Variants in STOX2 observed in about 807,000 individuals in gnomAD.
STOX2 encodes storkhead-box protein 2.
Under a neutral mutation model 60.9 loss-of-function variants are expected in STOX2, and 28 were observed. The observed-to-expected ratio is 0.46, with a 90% confidence interval of 0.34 to 0.63. STOX2 has a LOEUF of 0.63. Ranked by LOEUF, STOX2 falls within the 30% of genes least tolerant of loss-of-function variation. STOX2 has a pLI of 0.01. For missense variants in STOX2, 1,024 were observed against 1,187.7 expected, an observed-to-expected ratio of 0.86 and a Z score of 2.03; for synonymous variants, 472 against 463.9, an observed-to-expected ratio of 1.02 and a Z score of -0.22.
At chr4:183,859,107 G>C (rs1236620232) in intron 1 of STOX2, among the ~76,000 whole-genome samples, 1 of 152,178 alleles carries the variant, frequency 6.6e-6, no homozygotes, top group Non-Finnish European at 1.5e-5. Context: ...TTTGGACCAA[G>C]CTTGGTGGCT....
At chr4:183,945,321 C>A (rs1178686156) in intron 1 of STOX2, among the ~76,000 whole-genome samples, 1 of 152,156 alleles carries the variant, frequency 6.6e-6, no homozygotes, top group African/African-American at 2.4e-5. Context: ...CTGATTTTAA[C>A]ATGAGGGTAC....
chr4:183,898,723 G>C (rs1316741054), intron 1 of STOX2, among the ~76,000 whole-genome samples: 1 of 152,170 alleles, frequency 6.6e-6, no homozygotes, highest in African/African-American at 2.4e-5. Flanking sequence ...AAAATGACAG[G>C]GAGGGAAGAG....
chr4:183,825,396 T>TTGA lies in STOX2; in HGVS notation c.364+27341_364+27342insTGA, dbSNP rs59754852. On this transcript the variant is annotated intron_variant, in intron 1 of 2. Coordinates refer to the STOX2 transcript ENST00000513034. This position sits in a 1 kb window ranked among gnomAD's most constrained non-coding sequence, Gnocchi z 4.1. ...AGCCTTCACACAGCTGGGCCATCCC[T>TTGA]CGTGTGGCGCGTGCTGCAGATGGCA... 0.064 allele frequency among the ~76,000 whole-genome samples: 9,751 copies of TTGA among 152,204 alleles called. 1,003 individuals carry two copies. Among genetic ancestry groups the TTGA allele is most frequent in the African/African-American group, 0.22 (9,129 of 41,512 alleles).
chr4:183,970,957 A>G (rs927655323), intron 1 of STOX2, among the ~76,000 whole-genome samples: 3 of 152,342 alleles, frequency 2.0e-5, no homozygotes, highest in African/African-American at 7.2e-5. Context: ...TGATATGAAC[A>G]TTGCCTTCTT....
chr4:183,945,638 G>T (rs1742866329), intron 1 of STOX2, among the ~76,000 whole-genome samples: 1 of 152,138 alleles, frequency 6.6e-6, no homozygotes, highest in Non-Finnish European at 1.5e-5. Context: ...AACAAAGCAG[G>T]TTCCATTTGT....
chr4:183,861,296 G>A (rs1740435766), intron 1 of STOX2, among the ~76,000 whole-genome samples: 1 of 68,102 alleles, frequency 1.5e-5, no homozygotes, highest in Admixed American at 2.1e-4. Flanking sequence ...GGAGTGGACT[G>A]TCCCGTTACC....
chr4:183,965,159 C>T (rs1467604672), intron 1 of STOX2, among the ~76,000 whole-genome samples: 1 of 152,184 alleles, frequency 6.6e-6, no homozygotes, highest in African/African-American at 2.4e-5. Context: ...ATGGCACCAG[C>T]ATGTCCGTTT....
In STOX2 at chr4:183,830,496, T is replaced by A; in HGVS notation, c.364+32441T>A. Among the ~76,000 whole-genome samples the A allele has an allele frequency of 1.3e-5, 2 of 152,118 alleles. 1 individual carries two copies. Among genetic ancestry groups the A allele is most frequent in the East Asian group, 3.9e-4 (2 of 5,186 alleles). On this transcript the variant is annotated intron_variant, in intron 1 of 2. Coordinates refer to the STOX2 transcript ENST00000513034. ...TCCTCTGTGCCAGGGCTGGGAGAGATGGTCATGAGGGTTCTTATCCTTTGA... is the reference window on the plus strand; with the variant it reads ...TCCTCTGTGCCAGGGCTGGGAGAGAAGGTCATGAGGGTTCTTATCCTTTGA...
chr4:183,978,042 G>T (rs540286620), intron 1 of STOX2, among the ~76,000 whole-genome samples: 13 of 152,310 alleles, frequency 8.5e-5, no homozygotes, highest in African/African-American at 3.1e-4. Context: ...CTCCCATTGT[G>T]TAGGATGTCT....
chr4:184,011,317 C>T lies in STOX2; in HGVS notation c.2479C>T (p.Pro827Ser). The T allele has an allele frequency of 6.2e-7, 1 of 1,613,968 alleles. No homozygotes were observed. Among genetic ancestry groups the T allele is most frequent in the Non-Finnish European group, 8.5e-7 (1 of 1,179,892 alleles). ...TGAAAAGAACCTCACCCTTCTTGCTCCAAAAGAAACCGACAGCAGCAGCAA... is the reference window on the plus strand; with the variant it reads ...TGAAAAGAACCTCACCCTTCTTGCTTCAAAAGAAACCGACAGCAGCAGCAA... ...KFEKNLTLLA[P>S]KETDSSSNQR... The change falls in exon 3 of 4, where the codon CCA (proline) becomes TCA (serine). Residue 827 changes from proline (P) to serine (S), a missense_variant. By Grantham distance (74) the Pro-to-Ser change is moderately conservative (BLOSUM62 -1). Transcript: ENST00000308497. This position sits in a 1 kb window ranked among gnomAD's most constrained non-coding sequence, Gnocchi z 4.4.
intron 1 of STOX2, among the ~76,000 whole-genome samples, chr4:183,945,744 C>T (rs1252672623): frequency 6.6e-6 from 1 of 152,214 alleles, no homozygotes; most frequent in African/African-American, 2.4e-5. Context: ...CGAAAGAAGA[C>T]TGATTCAGGT....
intron 1 of STOX2, among the ~76,000 whole-genome samples, chr4:183,852,906 A>T (rs1740193978): frequency 6.6e-6 from 1 of 152,180 alleles, no homozygotes; most frequent in African/African-American, 2.4e-5. Context: ...GCTTTTTCAA[A>T]CATAGATGGC....
intron 1 of STOX2, among the ~76,000 whole-genome samples, chr4:183,864,597 TTGGCCAGGCTGG>T (rs1740523297): frequency 6.6e-6 from 1 of 152,126 alleles, no homozygotes; most frequent in South Asian, 2.1e-4. Context: ...TTTCTCCATG[TTGGCCAGGCTGG>T]TCTCGAACTC....
intron 1 of STOX2, among the ~76,000 whole-genome samples, chr4:183,927,565 C>T (rs771543181): frequency 1.2e-4 from 18 of 151,952 alleles, no homozygotes; most frequent in Non-Finnish European, 2.2e-4. Flanking sequence ...CTCCCCTGAC[C>T]TATAGGAGCT....
chr4:183,918,031 T>C (rs981426551), intron 1 of STOX2, among the ~76,000 whole-genome samples: 1 of 152,250 alleles, frequency 6.6e-6, no homozygotes. Flanking sequence ...TCTTTGCTAC[T>C]GTTATTTCTT....
intron 1 of STOX2, among the ~76,000 whole-genome samples, chr4:183,827,338 A>C (rs1223072591): frequency 1.3e-5 from 2 of 152,014 alleles, no homozygotes; most frequent in African/African-American, 4.8e-5. Flanking sequence ...GTCTACAAAA[A>C]ATGAGGAAAT....
In STOX2 at chr4:183,933,550, G is replaced by C. The variant is rs150546581; in HGVS notation, c.166+26594G>C. Among the ~76,000 whole-genome samples the C allele has an allele frequency of 3.6e-3, 542 of 152,214 alleles. 5 individuals are homozygous for C. Among genetic ancestry groups the C allele is most frequent in the African/African-American group, 0.012 (498 of 41,556 alleles). ...ATTACAGGCGCCCGCCACCATGCCA[G>C]GCTAACTTTTGTATTTTTAGTAGAG... On this transcript the variant is annotated intron_variant, in intron 1 of 3. Transcript: ENST00000308497.
chr4:183,950,600 G>A (rs1405000484), intron 1 of STOX2, among the ~76,000 whole-genome samples: 2 of 152,190 alleles, frequency 1.3e-5, no homozygotes, highest in African/African-American at 4.8e-5. Flanking sequence ...TGGGCAGGCC[G>A]AGTTTGTCAA....
intron 1 of STOX2, among the ~76,000 whole-genome samples, chr4:183,897,683 C>T (rs189048554): frequency 9.7e-4 from 148 of 152,346 alleles, no homozygotes; most frequent in African/African-American, 3.4e-3. Flanking sequence ...GGCAGTAATA[C>T]ACTTCAGATG....
Sources: allele counts gnomAD v4.1 joint callset (sites outside exome capture counted in the v4.1 genomes callset), GRCh38; gene constraint gnomAD v4.1.1; non-coding constraint Gnocchi (gnomAD v3.1); transcripts MANE v1.5; gene names NCBI Gene and HGNC (gene_info 2026-07-23, HGNC 2026-07-21).